TASP1: variants seen among roughly 807,000 people sequenced by gnomAD.
TASP1 encodes the protein threonine aspartase 1.
A neutral mutation model predicts 56.6 loss-of-function variants in TASP1; 16 were observed. The ratio of observed to expected loss-of-function variants is 0.28; its 90% CI spans 0.19 to 0.43. The LOEUF (loss-of-function observed/expected upper bound fraction) is 0.43, where lower values mean the gene tolerates loss of function less well. Among genes scored for constraint, TASP1 ranks in the 20% least tolerant of loss-of-function variants. The pLI, the probability that TASP1 is intolerant of heterozygous loss-of-function variation, is 1.00. For missense variants in TASP1, 393 were observed against 511.6 expected, an observed-to-expected ratio of 0.77 and a Z score of 2.24; for synonymous variants, 179 against 184.2, an observed-to-expected ratio of 0.97 and a Z score of 0.23.
At chr20:13,576,377 G>GAAAGAAAGAAAGAAAGAAAGAAAGAA (rs2046925417) in intron 6 of TASP1, among the ~76,000 whole-genome samples, 1 of 71,212 alleles carries the variant, frequency 1.4e-5, no homozygotes, top group African/African-American at 3.7e-5. Context: ...AAGAAAGAAA[G>GAAAGAAAGAAAGAAAGAAAGAAAGAA]AAAGAAAGAA....
At chr20:13,408,693 T>C (rs772210929) in intron 13 of TASP1, among the ~76,000 whole-genome samples, 18 of 152,190 alleles carry the variant, frequency 1.2e-4, no homozygotes, top group Non-Finnish European at 2.2e-4. Flanking sequence ...TAAATGGTTA[T>C]TTAAAATTTT....
At chr20:13,299,581 T>C in the TASP1 span, 1 of 932,514 alleles carries the variant, frequency 1.1e-6, no homozygotes, top group Non-Finnish European at 1.6e-6. The surrounding 1 kb of genome is among the most constrained non-coding windows in gnomAD (Gnocchi z 5.8). Flanking sequence ...ATATACCACA[T>C]GAGTATTTCT....
At chr20:13,405,437 A>G (rs6105089) in intron 13 of TASP1, among the ~76,000 whole-genome samples, 15,881 of 152,260 alleles carry the variant, frequency 0.1, 1,652 homozygotes, top group African/African-American at 0.27. Flanking sequence ...TTCTCATTTT[A>G]GAAATCTTTC....
the TASP1 span, among the ~76,000 whole-genome samples, chr20:13,359,140 G>A: frequency 7.6e-6 from 1 of 132,094 alleles, no homozygotes; most frequent in Non-Finnish European, 1.6e-5. Flanking sequence ...TCTTATCTCT[G>A]CGCCCCAGCC....
At chr20:13,438,853 AC>A (rs2043110776) in intron 11 of TASP1, among the ~76,000 whole-genome samples, 1 of 152,232 alleles carries the variant, frequency 6.6e-6, no homozygotes, top group Non-Finnish European at 1.5e-5. Flanking sequence ...AAGGATATGA[AC>A]AGACACTTCT....
the TASP1 span, among the ~76,000 whole-genome samples, chr20:13,237,515 A>G: frequency 6.6e-6 from 1 of 152,178 alleles, no homozygotes; most frequent in African/African-American, 2.4e-5. Flanking sequence ...AACCAGGAAA[A>G]AGGAACCTGT....
chr20:13,368,722 C>G, the TASP1 span: 1 of 152,252 alleles, frequency 6.6e-6, no homozygotes, highest in East Asian at 1.9e-4. Flanking sequence ...AAAGATAAAC[C>G]CATTTTTGTC....
the TASP1 span, among the ~76,000 whole-genome samples, chr20:13,209,362 T>C: frequency 6.6e-6 from 1 of 152,214 alleles, no homozygotes; most frequent in South Asian, 2.1e-4. Context: ...TAATGTACTG[T>C]AGGTTGCATA....
At chr20:13,602,884 A>G (rs2048015344) in intron 4 of TASP1, among the ~76,000 whole-genome samples, 1 of 152,142 alleles carries the variant, frequency 6.6e-6, no homozygotes, top group Non-Finnish European at 1.5e-5. Flanking sequence ...CTGCTCTAAA[A>G]TATCTTCACA....
chr20:13,442,301 C>G (rs1030586765), intron 11 of TASP1, among the ~76,000 whole-genome samples: 4 of 151,954 alleles, frequency 2.6e-5, no homozygotes, highest in African/African-American at 9.7e-5. Context: ...CAGACACACA[C>G]ACACACACAC....
chr20:13,190,200 A>G, the TASP1 span, among the ~76,000 whole-genome samples: 1 of 152,154 alleles, frequency 6.6e-6, no homozygotes, highest in Non-Finnish European at 1.5e-5. Flanking sequence ...TCCTATGGTT[A>G]CTATTTGGGT....
chr20:13,174,698 CG>C, the TASP1 span, among the ~76,000 whole-genome samples: 223 of 120,448 alleles, frequency 1.9e-3, 3 homozygotes, highest in East Asian at 8.0e-4. Flanking sequence ...AACCTTGTCA[CG>C]AAAAAAAAAA....
chr20:13,525,310 G>A (rs933342814), intron 10 of TASP1, among the ~76,000 whole-genome samples: 5 of 152,138 alleles, frequency 3.3e-5, no homozygotes, highest in African/African-American at 1.2e-4. Flanking sequence ...CACAGCTAGT[G>A]GGTCTGGAAG....
the TASP1 span, among the ~76,000 whole-genome samples, chr20:13,133,358 C>T: frequency 1.2e-4 from 18 of 151,934 alleles, no homozygotes; most frequent in South Asian, 3.5e-3. Flanking sequence ...AGAATCACTG[C>T]TGCATAATGA....
chr20:13,493,341 A>T (rs1289167501), intron 10 of TASP1, among the ~76,000 whole-genome samples: 1 of 152,092 alleles, frequency 6.6e-6, no homozygotes, highest in Non-Finnish European at 1.5e-5. Flanking sequence ...GGATTAGGAG[A>T]GGAAGACCCA....
chr20:13,140,711 A>C, the TASP1 span, among the ~76,000 whole-genome samples: 3 of 152,222 alleles, frequency 2.0e-5, no homozygotes. Context: ...AAAGTTGATT[A>C]AAATGTCAAG....
the TASP1 span, among the ~76,000 whole-genome samples, chr20:13,336,778 T>A: frequency 6.6e-6 from 1 of 152,166 alleles, no homozygotes; most frequent in African/African-American, 2.4e-5. Flanking sequence ...AAATCTCAAC[T>A]ATGAGTATCA....
At chr20:13,250,780 A>T in the TASP1 span, among the ~76,000 whole-genome samples, 3 of 152,186 alleles carry the variant, frequency 2.0e-5, no homozygotes, top group African/African-American at 7.2e-5. Context: ...GAGTAAATGG[A>T]TACATGCCCT....
chr20:13,449,988 A>G (rs1380626893), intron 11 of TASP1, among the ~76,000 whole-genome samples: 2 of 152,134 alleles, frequency 1.3e-5, no homozygotes, highest in Non-Finnish European at 2.9e-5. Context: ...AAGATACCGA[A>G]GGTTCATTTC....
Sources: gnomAD v4.1 joint callset for allele counts (sites outside exome capture counted in the v4.1 genomes callset) on GRCh38, gnomAD v4.1.1 for gene constraint, Gnocchi (gnomAD v3.1) non-coding constraint, MANE v1.5 for transcripts, NCBI Gene and HGNC (gene_info 2026-07-23, HGNC 2026-07-21) for gene names.